RAB8B: variants seen among roughly 807,000 people sequenced by gnomAD.
RAB8B encodes RAB8B, member RAS oncogene family.
A neutral mutation model predicts 32.0 loss-of-function variants in RAB8B; 11 were observed. The ratio of observed to expected loss-of-function variants is 0.34; its 90% CI spans 0.22 to 0.57. The LOEUF is 0.57. RAB8B is among the 20% of genes least tolerant of loss of function. RAB8B has a pLI of 0.86. For missense variants in RAB8B, 190 were observed against 258.5 expected (o/e 0.73, Z 1.82); for synonymous variants, 103 against 89.6 (o/e 1.15, Z -0.85).
intron 1 of RAB8B, among the ~76,000 whole-genome samples, chr15:63,230,205 G>T (rs909007225): frequency 6.6e-6 from 1 of 152,170 alleles, no homozygotes; most frequent in Non-Finnish European, 1.5e-5. Context: ...TTGTGGCATT[G>T]ATGTTGGTTT....
chr15:63,231,871 A>T (rs1227093915), intron 1 of RAB8B, among the ~76,000 whole-genome samples: 1 of 152,206 alleles, frequency 6.6e-6, no homozygotes, highest in Non-Finnish European at 1.5e-5. Flanking sequence ...GTTCACTGAG[A>T]ATCTCTAAAA....
chr15:63,261,193 A>G (rs183760127), intron 6 of RAB8B, among the ~76,000 whole-genome samples: 1 of 152,332 alleles, frequency 6.6e-6, no homozygotes, highest in Non-Finnish European at 1.5e-5. Context: ...AGTAGTGATC[A>G]GGGCAATGCA....
At chr15:63,241,798 G>A (rs1276630523) in intron 1 of RAB8B, among the ~76,000 whole-genome samples, 1 of 152,042 alleles carries the variant, frequency 6.6e-6, no homozygotes, top group African/African-American at 2.4e-5. Context: ...GATTCCTAGA[G>A]GGTCTTTGTT....
At chr15:63,244,160 TAC>T (rs1303852121) in intron 1 of RAB8B, among the ~76,000 whole-genome samples, 1 of 152,184 alleles carries the variant, frequency 6.6e-6, no homozygotes, top group Non-Finnish European at 1.5e-5. Context: ...AATTCTAGAG[TAC>T]AGTCAGGCCT....
chr15:63,225,074 C>A (rs899905869), intron 1 of RAB8B, among the ~76,000 whole-genome samples: 4 of 152,198 alleles, frequency 2.6e-5, no homozygotes, highest in Non-Finnish European at 5.9e-5. Flanking sequence ...AGTAGGTACA[C>A]AATAAATATA....
chr15:63,249,875 A>G (rs1016034296), intron 3 of RAB8B, among the ~76,000 whole-genome samples, 170 bp downstream of exon 3: 4 of 151,652 alleles, frequency 2.6e-5, no homozygotes, highest in Admixed American at 6.6e-5. Flanking sequence ...GGTGGCTCAC[A>G]CCTGTAATCC....
chr15:63,261,969 C>T (rs2038206674), intron 6 of RAB8B, among the ~76,000 whole-genome samples: 3 of 152,128 alleles, frequency 2.0e-5, no homozygotes, highest in South Asian at 4.2e-4. Flanking sequence ...AACTGACTTC[C>T]ATGGTGGGGA....
intron 1 of RAB8B, among the ~76,000 whole-genome samples, chr15:63,195,570 A>G (rs16946644): frequency 0.045 from 6,833 of 152,304 alleles, 239 homozygotes; most frequent in East Asian, 0.18. Flanking sequence ...GAGGACAAAG[A>G]AAAATTTAGC....
At chr15:63,261,224 A>C (rs75561597) in intron 6 of RAB8B, among the ~76,000 whole-genome samples, 9,679 of 152,290 alleles carry the variant, frequency 0.064, 421 homozygotes, top group Middle Eastern at 0.14. Context: ...ACAGTGAGCT[A>C]TCATCTCACC....
intron 1 of RAB8B, among the ~76,000 whole-genome samples, chr15:63,200,399 A>G (rs773157889): frequency 6.6e-6 from 1 of 152,262 alleles, no homozygotes; most frequent in Non-Finnish European, 1.5e-5. Flanking sequence ...ATAAAGCTAA[A>G]TATCACCAGA....
At chr15:63,195,239 T>TAACG (rs2037591051) in intron 1 of RAB8B, among the ~76,000 whole-genome samples, 1 of 152,232 alleles carries the variant, frequency 6.6e-6, no homozygotes, top group African/African-American at 2.4e-5. Context: ...ATAGCATTGA[T>TAACG]AACGACTCTG....
chr15:63,262,688 A>G lies in RAB8B; in HGVS notation c.481-4A>G, dbSNP rs771471171. On this transcript the variant is annotated splice_region_variant and splice_polypyrimidine_tract_variant and intron_variant, in intron 6 of 7. Coordinates refer to ENST00000321437, the MANE Select transcript of RAB8B (RefSeq NM_016530.3). ...ATAATGAAAATGTTTTGTTTTACCT[A>G]TAGGCATTTTTTACACTTGCACGAG... The G allele has an allele frequency of 7.2e-7, 1 of 1,380,172 alleles. No homozygotes were observed. Among genetic ancestry groups the G allele is most frequent in the Non-Finnish European group, 9.6e-7 (1 of 1,041,612 alleles). The allele number at this position is 1,380,172 out of a possible 1,614,324, so 85.5% of individuals were successfully genotyped here.
intron 1 of RAB8B, among the ~76,000 whole-genome samples, chr15:63,225,277 A>C (rs2037879604): frequency 1.3e-5 from 2 of 152,318 alleles, no homozygotes; most frequent in South Asian, 4.1e-4. Context: ...TTAGCTAGTC[A>C]TCAAAGCTCT....
At chr15:63,203,523 C>T (rs188085773) in intron 1 of RAB8B, among the ~76,000 whole-genome samples, 3 of 152,150 alleles carry the variant, frequency 2.0e-5, no homozygotes, top group South Asian at 4.1e-4. Context: ...GAAATCAGCC[C>T]CTAGTTCACT....
At chr15:63,244,532 G>T (rs1156418039) in intron 1 of RAB8B, among the ~76,000 whole-genome samples, 2 of 152,222 alleles carry the variant, frequency 1.3e-5, no homozygotes, top group East Asian at 3.9e-4. Context: ...GAATAATGAG[G>T]CATATAATAC....
intron 1 of RAB8B, among the ~76,000 whole-genome samples, chr15:63,216,072 A>G (rs1434723256): frequency 1.3e-5 from 2 of 151,862 alleles, no homozygotes; most frequent in Non-Finnish European, 2.9e-5. Context: ...ACCCTATTCA[A>G]GAGTCCATAA....
chr15:63,224,738 G>A (rs1038010417), intron 1 of RAB8B, among the ~76,000 whole-genome samples: 3 of 151,956 alleles, frequency 2.0e-5, no homozygotes, highest in Admixed American at 1.3e-4. Context: ...TTTTGTGATC[G>A]CGACATAATC....
At chr15:63,204,995 A>C (rs976972081) in intron 1 of RAB8B, among the ~76,000 whole-genome samples, 1 of 146,752 alleles carries the variant, frequency 6.8e-6, no homozygotes, top group African/African-American at 2.5e-5. Flanking sequence ...TCATCTCTAC[A>C]AAAAAAAAAA....
chr15:63,246,008 G>A (rs1323392941), intron 2 of RAB8B, among the ~76,000 whole-genome samples: 1 of 152,140 alleles, frequency 6.6e-6, no homozygotes, highest in Non-Finnish European at 1.5e-5. Flanking sequence ...GAGTAGCTGG[G>A]ATTACAGGCA....
Sources: gnomAD v4.1 joint callset for allele counts (sites outside exome capture counted in the v4.1 genomes callset) on GRCh38, gnomAD v4.1.1 for gene constraint, MANE v1.5 for transcripts, NCBI Gene and HGNC (gene_info 2026-07-23, HGNC 2026-07-21) for gene names.